The following M1AP variants were observed in gnomAD, a reference collection of about 807,000 sequenced individuals.
M1AP encodes the protein meiosis 1 arrest protein.
M1AP carries 39 observed loss-of-function variants against 51.2 expected under a neutral mutation model. That is an observed-to-expected ratio of 0.76 (90% confidence interval 0.59 to 1.00). The LOEUF (loss-of-function observed/expected upper bound fraction) is 1.00, where lower values mean the gene tolerates loss of function less well. Among genes scored for constraint, M1AP ranks in the 50% least tolerant of loss-of-function variants. The pLI, the probability that M1AP is intolerant of heterozygous loss-of-function variation, is 0.00. For synonymous variants in M1AP, 251 were observed against 249.2 expected (o/e 1.01, Z -0.07); for missense variants, 545 against 641.2 (o/e 0.85, Z 1.62).
chr2:74,597,423 G>T (rs1423903710), intron 4 of M1AP, among the ~76,000 whole-genome samples: 4 of 152,206 alleles, frequency 2.6e-5, no homozygotes, highest in African/African-American at 9.7e-5. Context: ...CTGAAAGGGA[G>T]AAAATCAGTA....
intron 1 of M1AP, among the ~76,000 whole-genome samples, chr2:74,643,157 G>GA (rs557802327): frequency 3.0e-4 from 46 of 150,916 alleles, no homozygotes; most frequent in African/African-American, 9.0e-4. Flanking sequence ...CAGGATACAT[G>GA]AAAAAAAAGT....
intron 6 of M1AP, 124 bp downstream of exon 6, chr2:74,576,332 C>G (rs961861888): frequency 9.7e-7 from 1 of 1,027,782 alleles, no homozygotes; most frequent in Non-Finnish European, 1.4e-6. Flanking sequence ...GCTGTAACTG[C>G]TACTTCGGAA....
intron 4 of M1AP, among the ~76,000 whole-genome samples, chr2:74,587,478 G>A (rs887057663): frequency 6.6e-6 from 1 of 152,194 alleles, no homozygotes; most frequent in Admixed American, 6.5e-5. Flanking sequence ...GATTACAGGT[G>A]TGAGCTACCA....
intron 5 of M1AP, among the ~76,000 whole-genome samples, chr2:74,580,283 A>G (rs1679321266): frequency 6.6e-6 from 1 of 152,228 alleles, no homozygotes; most frequent in South Asian, 2.1e-4. Context: ...AATGTTAGCT[A>G]TACACTAGCT....
intron 3 of M1AP, 116 bp from the exon 4 acceptor site, chr2:74,607,339 G>T: frequency 3.0e-6 from 3 of 1,004,712 alleles, no homozygotes; most frequent in Non-Finnish European, 4.4e-6. Flanking sequence ...TGGCTATTAT[G>T]TTTAGTGCAA....
At chr2:74,625,997 C>T (rs950052762) in intron 2 of M1AP, among the ~76,000 whole-genome samples, 3 of 152,218 alleles carry the variant, frequency 2.0e-5, no homozygotes, top group African/African-American at 7.2e-5. Context: ...TGTAGCTCAC[C>T]TATCACTGGA....
In M1AP at chr2:74,575,844, GT is replaced by G. The variant is rs138009239; in HGVS notation, c.933-266del. ...TCTGCCATTATTGCTAATTCATTGT[GT>G]TTTTTTGTTTTGTTTTGTTTTTCTT... On this transcript the variant is annotated intron_variant, in intron 6 of 10. Transcript: ENST00000421985. 7.0e-3 allele frequency among the ~76,000 whole-genome samples: 1,072 copies of G among 152,250 alleles called. 16 individuals carry two copies. Among genetic ancestry groups the G allele is most frequent in the African/African-American group, 0.025 (1,022 of 41,550 alleles).
chr2:74,607,759 C>A (rs1681106155), intron 3 of M1AP, among the ~76,000 whole-genome samples: 1 of 152,220 alleles, frequency 6.6e-6, no homozygotes, highest in Non-Finnish European at 1.5e-5. Context: ...CAGGCGTGAG[C>A]CACCATGACT....
At chr2:74,581,535 T>C in intron 5 of M1AP, 139 bp downstream of exon 5, 1 of 756,476 alleles carries the variant, frequency 1.3e-6, no homozygotes, top group Non-Finnish European at 2.1e-6. Flanking sequence ...TCCTCACGCT[T>C]ATATTGGACA....
Position 74,614,992 on chromosome 2 carries a change from CT to C in M1AP, c.397del (p.Arg133GlyfsTer4). Reference protein sequence around the residue: ...FKQYSRHVTTRAALTYTSLEI... With the variant: ...FKQYSRHVTTXAALTYTSLEI... Reference sequence around the variant, plus strand: ...CAGGGAGGTATAGGTCAGAGCTGCCCTTGTGGTCACATGTCTGCTGTATTGT... The same window carrying C: ...CAGGGAGGTATAGGTCAGAGCTGCCCTGTGGTCACATGTCTGCTGTATTGT... On this transcript the variant is annotated frameshift_variant, in exon 3 of 11. Coordinates refer to ENST00000421985, the MANE Select transcript of M1AP (RefSeq NM_001321739.2). LOFTEE classifies it high-confidence loss of function. 6.2e-7 allele frequency: 1 copy of C among 1,614,160 alleles called. No homozygotes were observed.
chr2:74,619,001 A>G (rs1681847625), intron 2 of M1AP: 2 of 527,338 alleles, frequency 3.8e-6, no homozygotes, highest in Non-Finnish European at 7.7e-6. Flanking sequence ...CTCTGCCTTC[A>G]TGCATATTTT....
At chr2:74,632,245 C>G (rs1210327452) in intron 2 of M1AP, among the ~76,000 whole-genome samples, 1 of 152,204 alleles carries the variant, frequency 6.6e-6, no homozygotes, top group East Asian at 1.9e-4. Context: ...CTGCCTTTGC[C>G]ACACCAGACT....
chr2:74,627,412 T>C (rs1431592522), intron 2 of M1AP, among the ~76,000 whole-genome samples: 1 of 152,198 alleles, frequency 6.6e-6, no homozygotes, highest in Non-Finnish European at 1.5e-5. Context: ...TTGGGCTTTC[T>C]GGATAATCAA....
At chr2:74,561,240 G>C (rs991073887) in intron 8 of M1AP, among the ~76,000 whole-genome samples, 3 of 148,832 alleles carry the variant, frequency 2.0e-5, no homozygotes, top group Non-Finnish European at 4.5e-5. Context: ...AGAAGGAGGA[G>C]GAGGAGGAGG....
At chr2:74,613,475 C>T (rs1337678827) in intron 3 of M1AP, among the ~76,000 whole-genome samples, 2 of 152,140 alleles carry the variant, frequency 1.3e-5, no homozygotes, top group Admixed American at 1.3e-4. Context: ...GTGAACTTTA[C>T]AAGTGTTCCT....
chr2:74,632,365 C>G (rs1465137786), intron 2 of M1AP, among the ~76,000 whole-genome samples: 4 of 152,210 alleles, frequency 2.6e-5, no homozygotes, highest in Non-Finnish European at 1.5e-5. Flanking sequence ...CTGGTACTTT[C>G]ATTTCTAGCT....
At chr2:74,625,671 T>C (rs1045874989) in intron 2 of M1AP, among the ~76,000 whole-genome samples, 5 of 152,212 alleles carry the variant, frequency 3.3e-5, no homozygotes, top group Admixed American at 6.5e-5. Flanking sequence ...ACATGCAGCA[T>C]ACTGTGGGTC....
At chr2:74,636,565 T>C (rs1683001095) in intron 2 of M1AP, among the ~76,000 whole-genome samples, 1 of 152,134 alleles carries the variant, frequency 6.6e-6, no homozygotes. Flanking sequence ...TATTTGAATA[T>C]TTTAAAAATA....
At chr2:74,571,633 T>C (rs17010037) in intron 7 of M1AP, among the ~76,000 whole-genome samples, 1 of 152,216 alleles carries the variant, frequency 6.6e-6, no homozygotes, top group Non-Finnish European at 1.5e-5. Flanking sequence ...CTCTATAACA[T>C]ACTGCCATTC....
Sources: allele counts gnomAD v4.1 joint callset (sites outside exome capture counted in the v4.1 genomes callset), GRCh38; gene constraint gnomAD v4.1.1; transcripts MANE v1.5; gene names NCBI Gene and HGNC (gene_info 2026-07-23, HGNC 2026-07-21).